The following ASTN2 variants were observed in gnomAD, a reference collection of about 807,000 sequenced individuals.
The protein encoded by ASTN2 is astrotactin-2.
In ASTN2, 54 loss-of-function variants were observed where a neutral mutation model predicts 139.8. That is an observed-to-expected ratio of 0.39 (90% CI 0.31 to 0.48). The LOEUF is 0.48. Among genes scored for constraint, ASTN2 ranks in the 20% least tolerant of loss-of-function variants. The pLI is 0.95. For missense variants in ASTN2, 1,565 were observed against 1,725.1 expected, an observed-to-expected ratio of 0.91 and a Z score of 1.64; for synonymous variants, 756 against 719.5, an observed-to-expected ratio of 1.05 and a Z score of -0.81.
chr9:116,983,535 G>A (rs1836578319), intron 7 of ASTN2, among the ~76,000 whole-genome samples: 2 of 152,136 alleles, frequency 1.3e-5, no homozygotes, highest in South Asian at 2.1e-4. Context: ...ATAACCACAA[G>A]GACAATAACA....
Position 116,698,431 on chromosome 9 carries a change from T to C in ASTN2, c.2806+27340A>G. On this transcript the variant is annotated intron_variant, in intron 16 of 22. Coordinates refer to ENST00000313400, the MANE Select transcript of ASTN2 (RefSeq NM_001365068.1). The surrounding 1 kb of genome is among the most constrained non-coding windows in gnomAD (Gnocchi z 4.4). ...GAGGAGCAGAGTTACCTGCTTAACATTGCAGAGGTGCAGGCTGTGTCTCGC... is the reference window on the plus strand; with the variant it reads ...GAGGAGCAGAGTTACCTGCTTAACACTGCAGAGGTGCAGGCTGTGTCTCGC... The C allele has an allele frequency of 6.2e-7, 1 of 1,614,068 alleles. No homozygotes were observed. Among genetic ancestry groups the C allele is most frequent in the Non-Finnish European group, 8.5e-7 (1 of 1,180,004 alleles).
intron 10 of ASTN2, among the ~76,000 whole-genome samples, chr9:116,941,892 C>T (rs955072024): frequency 2.0e-5 from 3 of 150,820 alleles, no homozygotes; most frequent in African/African-American, 7.3e-5. Context: ...GATAGCCAGA[C>T]GACATGAGCA....
intron 16 of ASTN2, among the ~76,000 whole-genome samples, chr9:116,715,805 G>C (rs1828295691): frequency 6.6e-6 from 1 of 152,158 alleles, no homozygotes; most frequent in South Asian, 2.1e-4. Context: ...TGGAATGATA[G>C]AGCGGTGAGA....
At chr9:117,351,236 A>G (rs12237434) in intron 1 of ASTN2, among the ~76,000 whole-genome samples, 1 of 152,334 alleles carries the variant, frequency 6.6e-6, no homozygotes, top group East Asian at 1.9e-4. Context: ...TCCCAGCTCA[A>G]AAACCTTAAT....
chr9:117,251,501 T>C (rs1031100617), intron 2 of ASTN2, among the ~76,000 whole-genome samples: 2 of 152,162 alleles, frequency 1.3e-5, no homozygotes, highest in Non-Finnish European at 2.9e-5. Context: ...TCTATTCATG[T>C]TGTCTACCTG....
chr9:116,998,019 T>C (rs780857919), intron 7 of ASTN2, among the ~76,000 whole-genome samples: 2 of 152,240 alleles, frequency 1.3e-5, no homozygotes, highest in African/African-American at 4.8e-5. Flanking sequence ...ACTTGTTTCA[T>C]GGAATGTAAG....
chr9:116,527,045 A>G (rs1463414526), intron 19 of ASTN2, among the ~76,000 whole-genome samples: 1 of 152,220 alleles, frequency 6.6e-6, no homozygotes, highest in Non-Finnish European at 1.5e-5. Flanking sequence ...TCAACTCAAA[A>G]TGAAGCAAAG....
intron 13 of ASTN2, among the ~76,000 whole-genome samples, chr9:116,805,086 A>G (rs1437734532): frequency 3.1e-5 from 4 of 130,820 alleles, no homozygotes; most frequent in African/African-American, 1.2e-4. Flanking sequence ...GCAATTTCTA[A>G]ACAGCTTTAC....
chr9:117,085,126 C>T lies in ASTN2; in HGVS notation c.1276+10918G>A, dbSNP rs562206760. ...CTGTTTCTGAAAAGGAATCCTCTTC[C>T]TTGGGCCTTGGATGTTGTAGTTTGC... On this transcript the variant is annotated intron_variant, in intron 5 of 22. Coordinates refer to ENST00000313400, the MANE Select transcript of ASTN2 (RefSeq NM_001365068.1). Among the ~76,000 whole-genome samples, 18 of 152,218 alleles carry T rather than the reference C, an allele frequency of 1.2e-4. No homozygotes were observed. The South Asian group carries it at 3.1e-3, about 26-fold the overall frequency.
At chr9:116,803,493 TA>T (rs1588305880) in intron 13 of ASTN2, among the ~76,000 whole-genome samples, 2 of 8,252 alleles carry the variant, frequency 2.4e-4, no homozygotes, top group East Asian at 6.0e-3. Flanking sequence ...TATATATATA[TA>T]TATATATATA....
intron 16 of ASTN2, among the ~76,000 whole-genome samples, chr9:116,664,933 G>A (rs1858774248): frequency 6.6e-6 from 1 of 152,150 alleles, no homozygotes; most frequent in Admixed American, 6.5e-5. Flanking sequence ...CGGGGTAGGA[G>A]GTGTTTGGGT....
chr9:116,805,491 C>T (rs1831006249), intron 13 of ASTN2, 141 bp downstream of exon 13: 3 of 748,432 alleles, frequency 4.0e-6, no homozygotes, highest in Admixed American at 5.0e-5. Flanking sequence ...TTTCCACACT[C>T]CTTAAGAGGG....
At chr9:117,127,672 GTTTTTTTTTT>G (rs11427891) in intron 4 of ASTN2, among the ~76,000 whole-genome samples, 1 of 70,898 alleles carries the variant, frequency 1.4e-5, no homozygotes, top group East Asian at 5.6e-4. Flanking sequence ...TTTTGTTTTG[GTTTTTTTTTT>G]TTTTTTTTTT....
At position 116,725,902 on chromosome 9, in the gene ASTN2, T is replaced by A. The variant is rs1288787782; in HGVS notation, c.2675A>T (p.Glu892Val). The change falls in exon 16 of 23, where the codon GAG becomes GTG. Residue 892 changes from glutamate to valine, a missense_variant. By Grantham distance (121) the Glu-to-Val change is moderately radical. This residue lies in a region of ASTN2 where 503 missense variants were observed against 591.7 expected (regional missense o/e 0.85). Transcript: ENST00000313400. The part of the protein sequence containing the change: ...KILTKESSRE[E>V]LLSFIQHYGS... ...ATAGTGCTGGATGAAGGACAGCAGCTCCTCCCGACTGCTCTCCTTGGTCAG... is the reference window on the plus strand; with the variant it reads ...ATAGTGCTGGATGAAGGACAGCAGCACCTCCCGACTGCTCTCCTTGGTCAG... The A allele has an allele frequency of 6.2e-7, 1 of 1,613,922 alleles. No individual in the cohort carries two copies. The highest frequency in any genetic ancestry group is 2.2e-5 in the East Asian group (1 of 44,862).
intron 7 of ASTN2, among the ~76,000 whole-genome samples, chr9:117,006,459 G>A (rs1413757867): frequency 6.6e-6 from 1 of 151,982 alleles, no homozygotes; most frequent in African/African-American, 2.4e-5. Context: ...ATTCTGTTGA[G>A]GGTATACTCT....
At chr9:116,662,256 C>A (rs986187778) in intron 16 of ASTN2, among the ~76,000 whole-genome samples, 2 of 152,148 alleles carry the variant, frequency 1.3e-5, no homozygotes, top group South Asian at 4.1e-4. Flanking sequence ...GCGAATATCA[C>A]CGACAATATA....
intron 3 of ASTN2, among the ~76,000 whole-genome samples, chr9:117,170,797 C>T (rs75512493): frequency 6.6e-6 from 1 of 152,108 alleles, no homozygotes; most frequent in Admixed American, 6.6e-5. Flanking sequence ...AGAAAAGAGG[C>T]AGGGAGCAGA....
At chr9:117,193,910 T>C (rs1474282362) in intron 3 of ASTN2, among the ~76,000 whole-genome samples, 1 of 151,940 alleles carries the variant, frequency 6.6e-6, no homozygotes, top group Non-Finnish European at 1.5e-5. Flanking sequence ...CAGAACAGAG[T>C]ATGGCTTAAA....
chr9:116,676,715 T>C (rs1247967145), intron 16 of ASTN2, among the ~76,000 whole-genome samples: 1 of 152,244 alleles, frequency 6.6e-6, no homozygotes, highest in African/African-American at 2.4e-5. Flanking sequence ...TAGAAACTGC[T>C]CAATGCTGTA....
Sources: allele counts gnomAD v4.1 joint callset (sites outside exome capture counted in the v4.1 genomes callset), GRCh38; gene constraint gnomAD v4.1.1; regional missense constraint gnomAD v4.1.1; non-coding constraint Gnocchi (gnomAD v3.1); transcripts MANE v1.5; gene names NCBI Gene and HGNC (gene_info 2026-07-23, HGNC 2026-07-21).